The following CEP164 variants were observed in gnomAD, a reference collection of about 807,000 sequenced individuals.
CEP164 encodes centrosomal protein 164.
In CEP164, 162 loss-of-function variants were observed where a neutral mutation model predicts 182.7. The observed-to-expected ratio is 0.89, with a 90% CI of 0.78 to 1.01. The LOEUF (loss-of-function observed/expected upper bound fraction) is 1.01, where lower values mean the gene tolerates loss of function less well. Ranked by LOEUF, CEP164 falls within the 50% of genes least tolerant of loss-of-function variation. CEP164 has a pLI of 0.00. For synonymous variants in CEP164, 661 were observed against 690.0 expected (o/e 0.96, Z 0.66); for missense variants, 1,735 against 1,790.4 (o/e 0.97, Z 0.56).
At chr11:117,336,213 G>A (rs1442483809) in intron 2 of CEP164, 36 of 1,587,452 alleles carry the variant, frequency 2.3e-5, no homozygotes, top group African/African-American at 4.3e-5. Flanking sequence ...AGTCAGAATC[G>A]CTGCTGGAAG....
At chr11:117,386,093 T>A (rs1279860737) in intron 14 of CEP164, 1 of 152,230 alleles carries the variant, frequency 6.6e-6, no homozygotes, top group Non-Finnish European at 1.5e-5. Context: ...TGCCCAGCCC[T>A]CTTTGTTTTG....
intron 1 of CEP164, among the ~76,000 whole-genome samples, chr11:117,334,903 G>A (rs1184262773): frequency 1.3e-5 from 2 of 152,168 alleles, no homozygotes; most frequent in African/African-American, 2.4e-5. Context: ...GCATCTAGGG[G>A]ATGACATTTC....
At chr11:117,351,699 C>G in intron 4 of CEP164, 91 bp from the exon 5 acceptor site, 4 of 1,204,272 alleles carry the variant, frequency 3.3e-6, no homozygotes, top group Non-Finnish European at 4.8e-6. Flanking sequence ...TCCTCTTTCA[C>G]CTCCTCTCCC....
At chr11:117,350,495 C>G (rs1261429053) in intron 4 of CEP164, among the ~76,000 whole-genome samples, 2 of 152,058 alleles carry the variant, frequency 1.3e-5, no homozygotes, top group Non-Finnish European at 2.9e-5. Flanking sequence ...TTGCATTTTC[C>G]CAGTGTTTAG....
At chr11:117,332,302 C>T (rs1007927014) in intron 1 of CEP164, among the ~76,000 whole-genome samples, 12 of 152,060 alleles carry the variant, frequency 7.9e-5, no homozygotes, top group Admixed American at 5.9e-4. Flanking sequence ...TGGCCAGGCA[C>T]GGTGGCTCAC....
intron 5 of CEP164, among the ~76,000 whole-genome samples, chr11:117,360,021 C>A (rs529110415): frequency 1.1e-4 from 17 of 152,348 alleles, no homozygotes; most frequent in African/African-American, 3.4e-4. Flanking sequence ...AAGAAGGGAC[C>A]TGGTCAGCCC....
At position 117,382,836 on chromosome 11, in the gene CEP164, A is replaced by C. The variant is rs2043493711; in HGVS notation, c.1618A>C (p.Lys540Gln). 12 of 1,614,136 alleles carry C rather than the reference A, an allele frequency of 7.4e-6. No homozygotes were observed. Among genetic ancestry groups the C allele is most frequent in the Non-Finnish European group, 9.3e-6 (11 of 1,180,014 alleles). ...CCCACCTGCTGCCTGTGAGAAGGGC[A>C]AGGAGCAGCATTCCCAGGCCGAGGA... The part of the protein sequence containing the change: ...PSPPAACEKG[K>Q]EQHSQAEELG... The change falls in exon 14 of 33, where the codon AAG becomes CAG. Residue 540 changes from lysine (K) to glutamine (Q), a missense_variant. Coordinates refer to ENST00000278935, the MANE Select transcript of CEP164 (RefSeq NM_014956.5).
At chr11:117,345,761 A>G (rs1462095977) in intron 4 of CEP164, among the ~76,000 whole-genome samples, 1 of 151,494 alleles carries the variant, frequency 6.6e-6, no homozygotes, top group African/African-American at 2.4e-5. Context: ...ATCTCGGCTC[A>G]CTGCAACCTC....
chr11:117,336,414 G>A, intron 2 of CEP164: 3 of 1,393,828 alleles, frequency 2.2e-6, no homozygotes, highest in Admixed American at 1.7e-5. Flanking sequence ...GGGGACCCGA[G>A]GATTGGCATC....
chr11:117,325,532 C>T (rs1465180454), upstream of CEP164, among the ~76,000 whole-genome samples: 1 of 150,598 alleles, frequency 6.6e-6, no homozygotes, highest in Admixed American at 6.6e-5. Context: ...ATTACAGGTG[C>T]CTGCCACCAC....
chr11:117,363,591 G>A, intron 8 of CEP164, 85 bp downstream of exon 8: 1 of 961,994 alleles, frequency 1.0e-6, no homozygotes, highest in South Asian at 1.5e-5. Context: ...TTGTTGTAAT[G>A]CATATTTGGA....
chr11:117,380,401 AAGGCTGACCC>A (rs1483065690), intron 11 of CEP164, among the ~76,000 whole-genome samples: 1 of 152,094 alleles, frequency 6.6e-6, no homozygotes. Flanking sequence ...CCCAGGCCTC[AAGGCTGACCC>A]AGGGAGCAGC....
chr11:117,381,604 G>A lies in CEP164; in HGVS notation c.1410-97G>A. ...GTGGGGCTGGAGCATAACCCAGGAG[G>A]AGGCAATGACCTAGGTCCACACACT... On this transcript the variant is annotated intron_variant, in intron 12 of 32. Coordinates refer to ENST00000278935, the MANE Select transcript of CEP164 (RefSeq NM_014956.5). The A allele has an allele frequency of 2.2e-6, 3 of 1,365,938 alleles. No individual in the cohort carries two copies. In the South Asian group the frequency reaches 4.4e-5, roughly 20 times the overall value. The allele number at this position is 1,365,938 out of a possible 1,614,324, so 84.6% of individuals were successfully genotyped here.
At position 117,394,289 on chromosome 11, in the gene CEP164, T is replaced by C; in HGVS notation, c.2617-61T>C. 6.4e-7 allele frequency: 1 copy of C among 1,550,962 alleles called. No homozygotes were observed. Among genetic ancestry groups the C allele is most frequent in the Admixed American group, 2.0e-5 (1 of 50,918 alleles). ...CAAGGCTGCAGGGCTAGGGGAGCTGTGATTTTTGTGGTAGAAGGGGCTGCC... is the reference window on the plus strand; with the variant it reads ...CAAGGCTGCAGGGCTAGGGGAGCTGCGATTTTTGTGGTAGAAGGGGCTGCC... On this transcript the variant is annotated intron_variant, in intron 20 of 32. Transcript: ENST00000278935. The surrounding 1 kb of genome is among the most constrained non-coding windows in gnomAD (Gnocchi z 4.0).
intron 11 of CEP164, among the ~76,000 whole-genome samples, chr11:117,377,305 A>G (rs994219494): frequency 6.6e-6 from 1 of 152,174 alleles, no homozygotes; most frequent in Admixed American, 6.5e-5. Flanking sequence ...GCCACTGCTG[A>G]TCTGACAGGA....
At chr11:117,356,380 G>A (rs2135542185) in intron 5 of CEP164, 4 of 1,185,786 alleles carry the variant, frequency 3.4e-6, no homozygotes, top group South Asian at 1.6e-5. Flanking sequence ...CTTCTAGGAT[G>A]TCTAGTGAGG....
upstream of CEP164, among the ~76,000 whole-genome samples, chr11:117,323,673 C>T (rs1039459364): frequency 2.6e-5 from 4 of 152,192 alleles, no homozygotes; most frequent in Non-Finnish European, 5.9e-5. Context: ...AACCACCATA[C>T]AGTTTCCATG....
intron 5 of CEP164, among the ~76,000 whole-genome samples, chr11:117,360,359 A>G (rs1454895395): frequency 6.6e-6 from 1 of 152,038 alleles, no homozygotes; most frequent in African/African-American, 2.4e-5. Flanking sequence ...TTGTAGAGAC[A>G]GTGTCTCACT....
intron 31 of CEP164, 43 bp downstream of exon 31, chr11:117,410,937 G>A (rs1343809888): frequency 2.5e-6 from 4 of 1,571,948 alleles, no homozygotes; most frequent in East Asian, 2.3e-5. Context: ...CGTCATAGTC[G>A]AGCTGCTCAC....
Sources: gnomAD v4.1 joint callset for allele counts (sites outside exome capture counted in the v4.1 genomes callset) on GRCh38, gnomAD v4.1.1 for gene constraint, Gnocchi (gnomAD v3.1) non-coding constraint, MANE v1.5 for transcripts, NCBI Gene and HGNC (gene_info 2026-07-23, HGNC 2026-07-21) for gene names.